Variants in SH2B2 observed in about 807,000 individuals in gnomAD.
SH2B2 encodes the protein SH2B adapter protein 2.
Under a neutral mutation model 35.7 loss-of-function variants are expected in SH2B2, and 37 were observed. That is an observed-to-expected ratio of 1.04 (90% CI 0.80 to 1.36). The LOEUF is 1.36. Ranked by LOEUF, SH2B2 falls within the 40% of genes most tolerant of loss-of-function variation. The probability of loss-of-function intolerance (pLI) is 0.00; values close to 1 mark genes in which losing one functional copy is unlikely to be tolerated. For missense variants in SH2B2, 852 were observed against 817.7 expected, an observed-to-expected ratio of 1.04 and a Z score of -0.51; for synonymous variants, 383 against 376.4, an observed-to-expected ratio of 1.02 and a Z score of -0.20.
intron 4 of SH2B2, 87 bp downstream of exon 4, chr7:102,308,993 C>A: frequency 9.6e-7 from 1 of 1,044,776 alleles, no homozygotes; most frequent in Non-Finnish European, 1.5e-6. Flanking sequence ...CCTAGCAGGG[C>A]GGGAGCTCAG....
intron 7 of SH2B2, among the ~76,000 whole-genome samples, chr7:102,319,193 G>A (rs1414366822): frequency 6.6e-6 from 1 of 152,220 alleles, no homozygotes; most frequent in East Asian, 1.9e-4. Flanking sequence ...AGGTCTGGCA[G>A]AAGATTGGGA....
chr7:102,302,910 C>T (rs1170753173), intron 2 of SH2B2, among the ~76,000 whole-genome samples: 1 of 151,788 alleles, frequency 6.6e-6, no homozygotes, highest in Non-Finnish European at 1.5e-5. Flanking sequence ...AGAGTGAGAC[C>T]CTATCTCAAA....
Position 102,301,042 on chromosome 7 carries a change from T to G in SH2B2, c.492T>G (p.Ala164=), listed in dbSNP as rs1394219621. 7.3e-7 allele frequency: 1 copy of G among 1,368,804 alleles called. No homozygotes were observed. The highest frequency in any genetic ancestry group is 1.5e-5 in the African/African-American group (1 of 64,794). 84.8% of individuals were successfully genotyped at this position (1,368,804 alleles called of 1,614,324 possible). The stretch of plus-strand genomic sequence containing the variant: ...CCTCGCCCGAGCCCGACGCGGCAGC[T>G]GCCCCGCGCACCGCCGAGCCCCGCG... ...RRASPEPDAA[A]APRTAEPRDK... is the part of the protein sequence containing the mutation. Residue 164 remains alanine, a synonymous_variant, in exon 2 of 9, where the codon GCT becomes GCG. Transcript: ENST00000444095.
rs1311550906 is a variant in SH2B2 at position 102,317,147 on chromosome 7, C to T, written c.1187-40C>T. 4.7e-6 allele frequency: 7 copies of T among 1,488,004 alleles called. No homozygotes were observed. In the Admixed American group the frequency reaches 8.1e-5, roughly 17 times the overall value. The allele number at this position is 1,488,004 out of a possible 1,614,324, so 92.2% of individuals were successfully genotyped here. On this transcript the variant is annotated intron_variant, in intron 6 of 8. Transcript: ENST00000444095. ...CATTTATTTATTTGTCCCCCTTTCT[C>T]CTTCCCCCCATGTTCCTCACACTGT...
At chr7:102,296,475 C>G (rs1792920346) in intron 1 of SH2B2, among the ~76,000 whole-genome samples, 1 of 152,226 alleles carries the variant, frequency 6.6e-6, no homozygotes, top group Admixed American at 6.5e-5. Context: ...CACTACATCA[C>G]CGCACTTTAT....
intron 1 of SH2B2, among the ~76,000 whole-genome samples, chr7:102,296,768 G>A (rs562918112): frequency 1.1e-4 from 16 of 152,326 alleles, no homozygotes; most frequent in Admixed American, 2.0e-4. Context: ...AAGTAGAAGC[G>A]TGCAGGCCAT....
chr7:102,310,386 G>T (rs781891940), intron 4 of SH2B2, among the ~76,000 whole-genome samples: 3 of 152,182 alleles, frequency 2.0e-5, no homozygotes, highest in Non-Finnish European at 4.4e-5. Flanking sequence ...GAACATCAAG[G>T]CCTTTGGGGT....
intron 1 of SH2B2, among the ~76,000 whole-genome samples, chr7:102,289,472 G>A (rs982603838): frequency 4.6e-5 from 7 of 152,272 alleles, no homozygotes; most frequent in Non-Finnish European, 1.0e-4. Context: ...CTGTGCAGAG[G>A]ACAGGCAGGA....
intron 6 of SH2B2, among the ~76,000 whole-genome samples, chr7:102,315,074 A>C (rs1285438120): frequency 6.6e-6 from 1 of 152,114 alleles, no homozygotes; most frequent in Non-Finnish European, 1.5e-5. Context: ...ATGTACTCAC[A>C]GCTACTCGGG....
upstream of SH2B2, among the ~76,000 whole-genome samples, chr7:102,286,722 G>T (rs576494277): frequency 6.7e-6 from 1 of 149,014 alleles, no homozygotes; most frequent in Admixed American, 6.6e-5. Context: ...CGGGCTCCGC[G>T]GATGGCCGGG....
At chr7:102,285,997 G>A (rs1182602549), upstream of SH2B2, among the ~76,000 whole-genome samples, 1 of 152,176 alleles carries the variant, frequency 6.6e-6, no homozygotes. Flanking sequence ...TGTGCCCTCA[G>A]CACCAGGGGT....
intron 1 of SH2B2, among the ~76,000 whole-genome samples, chr7:102,288,711 C>T (rs1310543665): frequency 6.6e-6 from 1 of 152,160 alleles, no homozygotes; most frequent in Non-Finnish European, 1.5e-5. Context: ...TTACTTGTGC[C>T]AAGCTAAGGG....
intron 3 of SH2B2, among the ~76,000 whole-genome samples, chr7:102,307,241 C>T (rs1793439278): frequency 6.6e-6 from 1 of 152,212 alleles, no homozygotes; most frequent in Admixed American, 6.5e-5. Context: ...GGCACAAAGG[C>T]ATCAAGGGGG....
intron 1 of SH2B2, among the ~76,000 whole-genome samples, chr7:102,291,216 C>G (rs1792659153): frequency 6.6e-6 from 1 of 152,230 alleles, no homozygotes; most frequent in Admixed American, 6.5e-5. Flanking sequence ...CCGGTGCCAG[C>G]AGGGCTTGTC....
chr7:102,302,804 G>C (rs891983459), intron 2 of SH2B2, among the ~76,000 whole-genome samples: 27 of 152,230 alleles, frequency 1.8e-4, no homozygotes, highest in African/African-American at 6.5e-4. Flanking sequence ...TGTAGTCCAA[G>C]CTACTTGGGA....
rs1178555631 is a variant in SH2B2, at chr7:102,306,817, C to T, written c.826C>T (p.Leu276Phe). 6.3e-7 allele frequency: 1 copy of T among 1,578,554 alleles called. No individual in the cohort carries two copies. Among genetic ancestry groups the T allele is most frequent in the Admixed American group, 1.8e-5 (1 of 54,672 alleles). Reference sequence around the variant, plus strand: ...GCCAGAGAAGGATAACACATTCGTCCTCAAGGTGAGGTCTCACCCCTAACC... The same window carrying T: ...GCCAGAGAAGGATAACACATTCGTCTTCAAGGTGAGGTCTCACCCCTAACC... ...EMPEKDNTFVLKVENGAEYIL... is the reference protein window; with the variant it reads ...EMPEKDNTFVFKVENGAEYIL... Residue 276 changes from leucine to phenylalanine, a missense_variant, in exon 3 of 9, where the codon CTC becomes TTC. Coordinates refer to ENST00000444095, the MANE Select transcript of SH2B2 (RefSeq NM_001359228.2).
chr7:102,299,194 T>C (rs1793046695), intron 1 of SH2B2, among the ~76,000 whole-genome samples: 1 of 113,200 alleles, frequency 8.8e-6, no homozygotes, highest in Non-Finnish European at 1.8e-5. Flanking sequence ...CCACCGCGCC[T>C]GGCTTTTTTT....
intron 1 of SH2B2, among the ~76,000 whole-genome samples, chr7:102,289,250 A>C (rs1381933698): frequency 6.6e-6 from 1 of 151,952 alleles, no homozygotes; most frequent in Admixed American, 6.6e-5. Flanking sequence ...GGTAGCGCCC[A>C]CCTGGGGGGT....
intron 6 of SH2B2, among the ~76,000 whole-genome samples, chr7:102,315,560 C>T (rs977863515): frequency 1.3e-5 from 2 of 151,732 alleles, no homozygotes; most frequent in African/African-American, 2.4e-5. Flanking sequence ...AACTCCTGCC[C>T]TAAGTGCTGG....
Sources: gnomAD v4.1 joint callset for allele counts (sites outside exome capture counted in the v4.1 genomes callset) on GRCh38, gnomAD v4.1.1 for gene constraint, MANE v1.5 for transcripts, NCBI Gene and HGNC (gene_info 2026-07-23, HGNC 2026-07-21) for gene names.